Variants in APOBEC3H observed in about 807,000 individuals in gnomAD.
APOBEC3H encodes DNA dC->dU-editing enzyme APOBEC-3H.
APOBEC3H carries 8 observed loss-of-function variants against 21.2 expected under a neutral mutation model. The observed-to-expected ratio is 0.38, with a 90% confidence interval of 0.22 to 0.68. The LOEUF is 0.68. APOBEC3H is among the 30% of genes least tolerant of loss of function. APOBEC3H has a pLI of 0.52. For synonymous variants in APOBEC3H, 88 were observed against 91.0 expected (o/e 0.97, Z 0.19); for missense variants, 229 against 228.1 (o/e 1.00, Z -0.03).
rs564951313 is a variant in APOBEC3H at position 39,103,867 on chromosome 22, A to G, written c.*170A>G. On this transcript the variant is annotated 3_prime_UTR_variant, in exon 5 of 5. Transcript: ENST00000442487. ...TCCACAGTGCCAGTTCCTTGCCCCAACCTGGCCCCATCCAAGTACAGAAGA... is the reference window on the plus strand; with the variant it reads ...TCCACAGTGCCAGTTCCTTGCCCCAGCCTGGCCCCATCCAAGTACAGAAGA... The G allele has an allele frequency of 5.0e-6, 4 of 805,566 alleles. No homozygotes were observed. The highest frequency in any genetic ancestry group is 2.9e-5 in the South Asian group (2 of 68,078). 49.9% of individuals were successfully genotyped at this position (805,566 alleles called of 1,614,324 possible). A position where few individuals can be genotyped will look rare whatever the true frequency, so the allele number is the denominator to read the frequency against.
rs776572204 is a variant in APOBEC3H, at chr22:39,101,242, G to C, written c.156G>C (p.Lys52Asn). 12 of 1,550,630 alleles carry C rather than the reference G, an allele frequency of 7.7e-6. No individual in the cohort carries two copies. Among genetic ancestry groups the C allele is most frequent in the Non-Finnish European group, 9.6e-6 (11 of 1,140,086 alleles). Reference protein sequence around the residue: ...PTRGYFENKKKCHAEICFINE... With the variant: ...PTRGYFENKKNCHAEICFINE... ...CTGTTTGGGACCCTCCCCAGAAAAA[G>C]TGCCATGCAGAAATTTGCTTTATTA... Residue 52 changes from lysine to asparagine, a missense_variant, in exon 3 of 5, where the codon AAG becomes AAC. Transcript: ENST00000442487.
At chr22:39,102,447 G>A (rs542831851) in intron 4 of APOBEC3H, 6 of 712,120 alleles carry the variant, frequency 8.4e-6, no homozygotes, top group African/African-American at 7.2e-5. Flanking sequence ...ACCGTGCCCC[G>A]CCCCACTACC....
At chr22:39,101,777 C>T (rs1428901539) in intron 3 of APOBEC3H, 141 bp from the exon 4 acceptor site, 18 of 1,355,444 alleles carry the variant, frequency 1.3e-5, no homozygotes, top group Middle Eastern at 2.5e-4. Flanking sequence ...GGCCCAAGAT[C>T]TGACACCACC....
At chr22:39,097,797 A>G (rs66773314) in intron 1 of APOBEC3H, among the ~76,000 whole-genome samples, 11,267 of 152,150 alleles carry the variant, frequency 0.074, 811 homozygotes, top group African/African-American at 0.19. Context: ...GGAGGCAATG[A>G]TCTCTGAAGC....
At chr22:39,100,249 G>A (rs772425911) in intron 1 of APOBEC3H, 23 bp from the exon 2 acceptor site, 1 of 1,602,046 alleles carries the variant, frequency 6.2e-7, no homozygotes, top group African/African-American at 1.3e-5. Flanking sequence ...TTCATCTTTG[G>A]TTTTCCCCTT....
Position 39,103,779 on chromosome 22 carries a change from T to C in APOBEC3H, c.*82T>C. ...CTCATTATCAAGAAGCAACTCAAGATGACTTTCCCTGGGGCATGTCAGTTG... is the reference window on the plus strand; with the variant it reads ...CTCATTATCAAGAAGCAACTCAAGACGACTTTCCCTGGGGCATGTCAGTTG... On this transcript the variant is annotated 3_prime_UTR_variant, in exon 5 of 5. Coordinates refer to ENST00000442487, the MANE Select transcript of APOBEC3H (RefSeq NM_181773.5). The C allele has an allele frequency of 6.4e-7, 1 of 1,553,056 alleles. No individual in the cohort carries two copies. The highest frequency in any genetic ancestry group is 2.2e-5 in the East Asian group (1 of 44,616).
rs1929402498 is a variant in APOBEC3H, at chr22:39,102,112, C to T, written c.543+70C>T. 1.9e-6 allele frequency: 3 copies of T among 1,571,960 alleles called. No individual in the cohort carries two copies. In the East Asian group the frequency reaches 6.8e-5, roughly 35 times the overall value. ...GCCGCAGCCCCATACCCAGTCACAC[C>T]TCTGCCCACTGCCCTTACCCCTACC... is the stretch of plus-strand genomic sequence containing the variant. On this transcript the variant is annotated intron_variant, in intron 4 of 4. Transcript: ENST00000442487.
At chr22:39,101,170 C>CCCCCCCCCCCCCCCCCCACA in intron 2 of APOBEC3H, 67 bp from the exon 3 acceptor site, 1 of 1,200,024 alleles carries the variant, frequency 8.3e-7, no homozygotes, top group Non-Finnish European at 1.2e-6. Context: ...CGGCCCCCGC[C>CCCCCCCCCCCCCCCCCCACA]CCCAGTCACA....
chr22:39,103,612 A>T (rs1367954346), intron 4 of APOBEC3H, 77 bp from the exon 5 acceptor site: 19 of 1,487,402 alleles, frequency 1.3e-5, no homozygotes, highest in Non-Finnish European at 1.6e-5. Flanking sequence ...TAATGATCTC[A>T]TCCTCACCTC....
chr22:39,098,929 C>G (rs1929149115), intron 1 of APOBEC3H, among the ~76,000 whole-genome samples: 1 of 152,180 alleles, frequency 6.6e-6, no homozygotes, highest in Non-Finnish European at 1.5e-5. Flanking sequence ...CGCGGTGGCT[C>G]ACGCCTATAA....
chr22:39,100,438 G>C lies in APOBEC3H; in HGVS notation c.150+10G>C. 12 of 1,611,578 alleles carry C rather than the reference G, an allele frequency of 7.4e-6. No homozygotes were observed. The Middle Eastern group carries it at 5.5e-4, about 73-fold the overall frequency. On this transcript the variant is annotated intron_variant, in intron 2 of 4. Coordinates refer to ENST00000442487, the MANE Select transcript of APOBEC3H (RefSeq NM_181773.5). ...CTACTTTGAAAACAAGGTGCCACACGGGCTCTCTGGGCACAGGGCCGGCAG... is the reference window on the plus strand; with the variant it reads ...CTACTTTGAAAACAAGGTGCCACACCGGCTCTCTGGGCACAGGGCCGGCAG...
chr22:39,100,353 G>A lies in APOBEC3H; in HGVS notation c.75G>A (p.Pro25=), dbSNP rs1276270733. The A allele has an allele frequency of 5.0e-6, 8 of 1,614,086 alleles. No individual in the cohort carries two copies. The highest frequency in any genetic ancestry group is 3.3e-5 in the South Asian group (3 of 91,082). ...GCCGCCTCAGAAGGCCTTACTACCC[G>A]AGGAAGGCCCTCTTGTGTTACCAGC... The part of the protein sequence containing the change: ...NKRRLRRPYY[P]RKALLCYQLT... Residue 25 remains proline (P), a synonymous_variant, in exon 2 of 5, where the codon CCG becomes CCA. Coordinates refer to ENST00000442487, the MANE Select transcript of APOBEC3H (RefSeq NM_181773.5).
At chr22:39,102,656 C>T (rs1929438251) in intron 4 of APOBEC3H, 1 of 697,620 alleles carries the variant, frequency 1.4e-6, no homozygotes, top group South Asian at 1.5e-5. Context: ...TTTGGAGTCT[C>T]CAGCGTCTAT....
chr22:39,099,663 G>C (rs1162029153), intron 1 of APOBEC3H, among the ~76,000 whole-genome samples: 4 of 152,206 alleles, frequency 2.6e-5, no homozygotes, highest in Admixed American at 6.5e-5. Context: ...TAGTGACGAG[G>C]TCGGGGCATC....
chr22:39,102,456 C>T, intron 4 of APOBEC3H: 2 of 711,520 alleles, frequency 2.8e-6, no homozygotes, highest in Non-Finnish European at 5.2e-6. Flanking sequence ...CGCCCCACTA[C>T]CTGTTTCTTT....
At chr22:39,102,155 C>G (rs896495342) in intron 4 of APOBEC3H, 113 bp downstream of exon 4, 1 of 1,428,778 alleles carries the variant, frequency 7.0e-7, no homozygotes, top group South Asian at 1.5e-5. Flanking sequence ...CTTTTCTTTT[C>G]TTTTCTTTTT....
chr22:39,102,962 C>CAAAA (rs58524849), intron 4 of APOBEC3H, among the ~76,000 whole-genome samples: 2 of 94,070 alleles, frequency 2.1e-5, no homozygotes, highest in African/African-American at 3.7e-5. Flanking sequence ...GACTCTGTCC[C>CAAAA]AAAAAAAAAA....
chr22:39,101,724 G>T lies in APOBEC3H; in HGVS notation c.419-194G>T, dbSNP rs547265448. On this transcript the variant is annotated intron_variant, in intron 3 of 4. Coordinates refer to ENST00000442487, the MANE Select transcript of APOBEC3H (RefSeq NM_181773.5). ...GGGTGGGGGGGTGGCGGGGAGCGGG[G>T]GGTCTGTGGGAGGCCAGGAAGGAAG... Among the ~76,000 whole-genome samples, 240 of 139,846 alleles carry T rather than the reference G, an allele frequency of 1.7e-3. 2 individuals are homozygous for T. The highest frequency in any genetic ancestry group is 6.2e-3 in the African/African-American group (229 of 37,042). 91.7% of individuals were successfully genotyped at this position (139,846 alleles called of 152,430 possible).
rs1301818004 is a variant in APOBEC3H at position 39,101,889 on chromosome 22, G to T, written c.419-29G>T. On this transcript the variant is annotated intron_variant, in intron 3 of 4. Transcript: ENST00000442487. ...TGGCACTGCAGCTGCTGCCCCTGGG[G>T]CCTGGCTGGTTTCCCTCTTCCCTCT... The T allele has an allele frequency of 5.0e-6, 8 of 1,613,686 alleles. No individual in the cohort carries two copies. In the Admixed American group the frequency reaches 1.2e-4, roughly 24 times the overall value.
Sources: gnomAD v4.1 joint callset for allele counts (sites outside exome capture counted in the v4.1 genomes callset) on GRCh38, gnomAD v4.1.1 for gene constraint, MANE v1.5 for transcripts, NCBI Gene and HGNC (gene_info 2026-07-23, HGNC 2026-07-21) for gene names.